The following MARK3 variants were observed in gnomAD, a reference collection of about 807,000 sequenced individuals.
MARK3 encodes microtubule affinity regulating kinase 3, also known as MAP/microtubule affinity-regulating kinase 3.
In MARK3, 46 loss-of-function variants were observed where a neutral mutation model predicts 90.1. That is an observed-to-expected ratio of 0.51 (90% confidence interval 0.40 to 0.65). MARK3 has a LOEUF of 0.65. Ranked by LOEUF, MARK3 falls within the 30% of genes least tolerant of loss-of-function variation. MARK3 has a pLI of 0.00. For synonymous variants in MARK3, 321 were observed against 332.6 expected, an observed-to-expected ratio of 0.97 and a Z score of 0.38; for missense variants, 818 against 947.2, an observed-to-expected ratio of 0.86 and a Z score of 1.79.
At chr14:103,441,207 G>A (rs985585318) in intron 3 of MARK3, among the ~76,000 whole-genome samples, 1 of 152,104 alleles carries the variant, frequency 6.6e-6, no homozygotes, top group South Asian at 2.1e-4. Flanking sequence ...GTGAATAGCA[G>A]AGGCTCCTAA....
chr14:103,387,394 AAG>A lies in MARK3; in HGVS notation c.51+1317_51+1318del. On this transcript the variant is annotated intron_variant, in intron 1 of 17. Transcript: ENST00000429436. Reference sequence around the variant, plus strand: ...CTGAGATAGATTAGAAAATTATATAAAGAGTGAGTAATAGAAACTCTTAGACT... The same window carrying A: ...CTGAGATAGATTAGAAAATTATATAAAGTGAGTAATAGAAACTCTTAGACT... Among the ~76,000 whole-genome samples the A allele has an allele frequency of 2.6e-5, 4 of 152,330 alleles. No individual in the cohort carries two copies. In the East Asian group the frequency reaches 7.7e-4, roughly 29 times the overall value.
At chr14:103,499,447 C>G (rs927819007) in intron 16 of MARK3, 2 of 152,064 alleles carry the variant, frequency 1.3e-5, no homozygotes, top group African/African-American at 4.8e-5. Context: ...GGGAGTGAGA[C>G]CCTGCCTCAA....
intron 1 of MARK3, among the ~76,000 whole-genome samples, chr14:103,387,429 TC>T (rs1232177268): frequency 3.9e-5 from 6 of 152,102 alleles, no homozygotes; most frequent in Non-Finnish European, 8.8e-5. Flanking sequence ...ACTAGGTGAG[TC>T]AGGGAACTAA....
chr14:103,406,487 T>A (rs1308481061), intron 2 of MARK3, among the ~76,000 whole-genome samples: 1 of 152,118 alleles, frequency 6.6e-6, no homozygotes, highest in African/African-American at 2.4e-5. Flanking sequence ...TCTGCCCGCC[T>A]CAGCCTCCCA....
At chr14:103,483,143 G>A (rs2093857081) in intron 14 of MARK3, among the ~76,000 whole-genome samples, 1 of 152,186 alleles carries the variant, frequency 6.6e-6, no homozygotes, top group South Asian at 2.1e-4. Flanking sequence ...TCCCTGCACA[G>A]ATGACTTCTT....
rs117606625 is a variant in MARK3, at chr14:103,433,060, A to G, written c.297+4620A>G. Among the ~76,000 whole-genome samples, 165 of 150,250 alleles carry G rather than the reference A, an allele frequency of 1.1e-3. 5 individuals are homozygous for G. The East Asian group carries it at 0.027, about 24-fold the overall frequency. Reference sequence around the variant, plus strand: ...CAGTAGGAACTTTGTTATTGTGCCAATTGAAGTTTTTTCTTTTCTTTTCTT... The same window carrying G: ...CAGTAGGAACTTTGTTATTGTGCCAGTTGAAGTTTTTTCTTTTCTTTTCTT... On this transcript the variant is annotated intron_variant, in intron 3 of 17. Transcript: ENST00000429436.
intron 5 of MARK3, 37 bp from the exon 6 acceptor site, chr14:103,457,105 T>G (rs909716263): frequency 7.9e-7 from 1 of 1,273,114 alleles, no homozygotes; most frequent in African/African-American, 1.5e-5. Context: ...TACTCAGAAG[T>G]AGGATTTCTA....
At chr14:103,448,889 A>T (rs80102122) in intron 3 of MARK3, 30 bp from the exon 4 acceptor site, 87 of 698,738 alleles carry the variant, frequency 1.2e-4, no homozygotes, top group Non-Finnish European at 1.7e-4. Flanking sequence ...TGTTGGGGGG[A>T]TTATGTGTTT....
chr14:103,413,068 T>G (rs1452231097), intron 2 of MARK3, among the ~76,000 whole-genome samples: 1 of 151,902 alleles, frequency 6.6e-6, no homozygotes, highest in Non-Finnish European at 1.5e-5. Context: ...AGAGACGGGT[T>G]TCTCCATGTT....
Position 103,448,915 on chromosome 14 carries a change from T to G in MARK3, c.298-4T>G. 6.4e-7 allele frequency: 1 copy of G among 1,560,500 alleles called. No individual in the cohort carries two copies. Among genetic ancestry groups the G allele is most frequent in the South Asian group, 1.2e-5 (1 of 84,400 alleles). On this transcript the variant is annotated splice_polypyrimidine_tract_variant and splice_region_variant and intron_variant, in intron 3 of 17. Transcript: ENST00000429436. ...TTATGTGTTTTGTTTGTTTTTTTTTTTAGCTCTTCAGAGAAGTAAGAATAA... is the reference window on the plus strand; with the variant it reads ...TTATGTGTTTTGTTTGTTTTTTTTTGTAGCTCTTCAGAGAAGTAAGAATAA...
At chr14:103,420,261 C>T (rs1453070093) in intron 2 of MARK3, among the ~76,000 whole-genome samples, 2 of 151,970 alleles carry the variant, frequency 1.3e-5, no homozygotes, top group Non-Finnish European at 2.9e-5. Context: ...CAGAGTCTTG[C>T]TCTGTCGCCC....
intron 2 of MARK3, among the ~76,000 whole-genome samples, 176 bp downstream of exon 2, chr14:103,405,443 C>T (rs1465375528): frequency 2.0e-4 from 30 of 151,978 alleles, no homozygotes; most frequent in Non-Finnish European, 1.3e-4. Context: ...CTCTGCCTCC[C>T]GGGTTCACAC....
At chr14:103,475,854 G>A (rs2093705487) in intron 13 of MARK3, among the ~76,000 whole-genome samples, 1 of 151,448 alleles carries the variant, frequency 6.6e-6, no homozygotes, top group Admixed American at 6.6e-5. Context: ...CTGAGGTAGA[G>A]AATTGCTTGA....
At chr14:103,490,734 G>A (rs910632337) in intron 14 of MARK3, 1 of 161,960 alleles carries the variant, frequency 6.2e-6, no homozygotes, top group African/African-American at 2.6e-5. Context: ...TTTATTTTAA[G>A]GTAATAGATT....
chr14:103,468,314 CTTTTTTTTTTTTTTT>C lies in MARK3; in HGVS notation c.1264+142_1264+156del, dbSNP rs759932678. ...CTTGGCATTGCTTTCTTTCTTTCTT[CTTTTTTTTTTTTTTT>C]TTTTTTTTTTTTTGAGACAGAGTCT... On this transcript the variant is annotated intron_variant, in intron 12 of 17. Coordinates refer to ENST00000429436, the MANE Select transcript of MARK3 (RefSeq NM_001128918.3). 2.6e-5 allele frequency: 3 copies of C among 116,126 alleles called. No homozygotes were observed. In the East Asian group the frequency reaches 6.8e-4, roughly 27 times the overall value. The allele number at this position is 116,126 out of a possible 1,614,324, so 7.2% of individuals were successfully genotyped here. A position where few individuals can be genotyped will look rare whatever the true frequency, so the allele number is the denominator to read the frequency against.
At chr14:103,483,349 G>T (rs1167424517) in intron 14 of MARK3, among the ~76,000 whole-genome samples, 1 of 152,032 alleles carries the variant, frequency 6.6e-6, no homozygotes, top group East Asian at 1.9e-4. Context: ...TGTTCATACG[G>T]AATTTCAACA....
At chr14:103,398,635 G>A (rs761881277) in intron 1 of MARK3, among the ~76,000 whole-genome samples, 5 of 152,096 alleles carry the variant, frequency 3.3e-5, no homozygotes, top group African/African-American at 1.2e-4. Flanking sequence ...AGCCTCTGAA[G>A]GTGCTGGGAT....
chr14:103,426,973 A>C (rs752388189), intron 2 of MARK3, among the ~76,000 whole-genome samples: 18 of 152,262 alleles, frequency 1.2e-4, no homozygotes, highest in Admixed American at 3.3e-4. Context: ...GAGTCAGCTA[A>C]ATTTAAAGTG....
intron 1 of MARK3, among the ~76,000 whole-genome samples, chr14:103,391,709 A>ATTTTTTT (rs71126012): frequency 4.3e-5 from 3 of 69,692 alleles, no homozygotes; most frequent in African/African-American, 2.3e-4. Context: ...ATGCCTGGCT[A>ATTTTTTT]TTTTTTTTTT....
Sources: gnomAD v4.1 joint callset for allele counts (sites outside exome capture counted in the v4.1 genomes callset) on GRCh38, gnomAD v4.1.1 for gene constraint, MANE v1.5 for transcripts, NCBI Gene and HGNC (gene_info 2026-07-23, HGNC 2026-07-21) for gene names.